The following NLRP8 variants were observed in gnomAD, a reference collection of about 807,000 sequenced individuals.
The protein encoded by NLRP8 is NACHT, LRR and PYD domains-containing protein 8.
Under a neutral mutation model 88.7 loss-of-function variants are expected in NLRP8, and 86 were observed. That is an observed-to-expected ratio of 0.97 (90% CI 0.81 to 1.16). The LOEUF is 1.16. Ranked by LOEUF, NLRP8 falls within the 50% of genes most tolerant of loss-of-function variation. The pLI, the probability that NLRP8 is intolerant of heterozygous loss-of-function variation, is 0.00. For synonymous variants in NLRP8, 504 were observed against 494.6 expected, an observed-to-expected ratio of 1.02 and a Z score of -0.25; for missense variants, 1,342 against 1,286.5, an observed-to-expected ratio of 1.04 and a Z score of -0.66.
intron 3 of NLRP8, among the ~76,000 whole-genome samples, chr19:55,960,262 C>T (rs1014570860): frequency 1.3e-5 from 2 of 152,094 alleles, no homozygotes; most frequent in African/African-American, 4.8e-5. Context: ...CAGCTGCTAG[C>T]GAGACCTGGC....
chr19:55,971,006 G>A (rs1043054548), intron 6 of NLRP8, among the ~76,000 whole-genome samples: 3 of 152,066 alleles, frequency 2.0e-5, no homozygotes, highest in East Asian at 1.9e-4. Context: ...GTCCTCACTG[G>A]TTTTATTGAC....
rs368088277 is a variant in NLRP8, at chr19:55,970,661, G to A, written c.2499G>A (p.Ala833=). Reference sequence around the variant, plus strand: ...AAAACTCCCTGGAGAACTGTGGGGCGTATTACCTGTCTGTGGCCCAGCTGG... The same window carrying A: ...AAAACTCCCTGGAGAACTGTGGGGCATATTACCTGTCTGTGGCCCAGCTGG... Residue 833 remains alanine, a synonymous_variant, in exon 6 of 10, where the codon GCG becomes GCA. Coordinates refer to ENST00000291971, the MANE Select transcript of NLRP8 (RefSeq NM_176811.2). 344 of 1,614,068 alleles carry A rather than the reference G, an allele frequency of 2.1e-4. 1 individual carries two copies. Among genetic ancestry groups the A allele is most frequent in the Non-Finnish European group, 2.6e-4 (301 of 1,180,004 alleles).
intron 9 of NLRP8, among the ~76,000 whole-genome samples, chr19:55,982,058 C>T (rs1041752735): frequency 6.6e-6 from 1 of 152,114 alleles, no homozygotes; most frequent in Admixed American, 6.6e-5. Flanking sequence ...TGCACCACCA[C>T]TCCCAGCTAA....
At position 55,955,813 on chromosome 19, in the gene NLRP8, G is replaced by C; in HGVS notation, c.1755G>C (p.Arg585Ser). The stretch of plus-strand genomic sequence containing the variant: ...GCAAGGTGTCTTTCGGTAATAAGAG[G>C]AAACTGCTGAAAGTCATACCTCTGT... The change falls in exon 3 of 10, where the codon AGG (arginine) becomes AGC (serine). Residue 585 changes from arginine to serine, a missense_variant. Physicochemically the swap from Arg to Ser is moderately radical, Grantham distance 110. Transcript: ENST00000291971. 1.2e-6 allele frequency: 2 copies of C among 1,614,170 alleles called. No individual in the cohort carries two copies. The highest frequency in any genetic ancestry group is 1.7e-6 in the Non-Finnish European group (2 of 1,180,018).
At chr19:55,957,673 T>TTATATATATATATA (rs10523999) in intron 3 of NLRP8, among the ~76,000 whole-genome samples, 1 of 31,214 alleles carries the variant, frequency 3.2e-5, no homozygotes, top group Non-Finnish European at 4.9e-5. Context: ...AAAATAATAA[T>TTATATATATATATA]TATATATATA....
At chr19:55,980,307 A>G (rs10402377) in intron 9 of NLRP8, among the ~76,000 whole-genome samples, 49 of 152,188 alleles carry the variant, frequency 3.2e-4, no homozygotes, top group African/African-American at 1.0e-3. Flanking sequence ...AGTGCCTAAC[A>G]CATGTTCTCA....
At chr19:55,973,193 G>C (rs950684200) in intron 6 of NLRP8, among the ~76,000 whole-genome samples, 1 of 152,178 alleles carries the variant, frequency 6.6e-6, no homozygotes, top group Non-Finnish European at 1.5e-5. Context: ...GCAGTTCCCT[G>C]ATACTTAGTC....
At chr19:55,985,209 A>G (rs1424253402) in intron 9 of NLRP8, among the ~76,000 whole-genome samples, 3 of 152,164 alleles carry the variant, frequency 2.0e-5, no homozygotes, top group Non-Finnish European at 4.4e-5. Flanking sequence ...AGGTTGAGGC[A>G]GGAGAATCGC....
At chr19:55,950,824 A>G (rs1193592644) in intron 1 of NLRP8, among the ~76,000 whole-genome samples, 1 of 152,226 alleles carries the variant, frequency 6.6e-6, no homozygotes, top group East Asian at 1.9e-4. Flanking sequence ...TCACGCCTAT[A>G]ATCCCAGCAC....
chr19:55,986,887 C>T (rs568924393), intron 9 of NLRP8, among the ~76,000 whole-genome samples: 1 of 152,250 alleles, frequency 6.6e-6, no homozygotes, highest in South Asian at 2.1e-4. Flanking sequence ...GATTAGAACC[C>T]GCGTATTGAG....
intron 5 of NLRP8, among the ~76,000 whole-genome samples, chr19:55,968,612 CA>C (rs1979944823): frequency 6.6e-6 from 1 of 151,818 alleles, no homozygotes; most frequent in Non-Finnish European, 1.5e-5. Context: ...TGGTGGCTCA[CA>C]CCTGTAATTC....
In NLRP8 at chr19:55,972,815, G is replaced by A. The variant is rs896358111; in HGVS notation, c.2535-837G>A. Among the ~76,000 whole-genome samples the A allele has an allele frequency of 5.7e-3, 630 of 109,658 alleles. 4 individuals are homozygous for A. Among genetic ancestry groups the A allele is most frequent in the African/African-American group, 0.02 (527 of 26,748 alleles). The allele number at this position is 109,658 out of a possible 152,430, so 71.9% of individuals were successfully genotyped here. On this transcript the variant is annotated intron_variant, in intron 6 of 9. Transcript: ENST00000291971. ...GGTGTGTGTGTGTGTGTGTATGTGT[G>A]TGTGTGTGTGTGTGTGTGTGTGTGA...
At position 55,955,799 on chromosome 19, in the gene NLRP8, T is replaced by C; in HGVS notation, c.1741T>C (p.Phe581Leu). The C allele has an allele frequency of 6.2e-7, 1 of 1,614,108 alleles. No individual in the cohort carries two copies. The highest frequency in any genetic ancestry group is 8.5e-7 in the Non-Finnish European group (1 of 1,180,016). ...ACAGTCATTCCAATGCAAGGTGTCT[T>C]TCGGTAATAAGAGGAAACTGCTGAA... Residue 581 changes from phenylalanine (F) to leucine (L), a missense_variant, in exon 3 of 10, where the codon TTC (phenylalanine) becomes CTC (leucine). Coordinates refer to ENST00000291971, the MANE Select transcript of NLRP8 (RefSeq NM_176811.2).
intron 9 of NLRP8, among the ~76,000 whole-genome samples, chr19:55,986,284 ACT>A (rs1980801615): frequency 1.3e-5 from 2 of 150,476 alleles, no homozygotes; most frequent in African/African-American, 2.5e-5. Context: ...ACACACTCAC[ACT>A]CACACACACA....
intron 5 of NLRP8, among the ~76,000 whole-genome samples, chr19:55,969,632 T>G (rs544983236): frequency 1.3e-5 from 2 of 152,134 alleles, no homozygotes; most frequent in African/African-American, 4.8e-5. Flanking sequence ...AGTAGTGGGA[T>G]TGCTGGATCG....
chr19:55,983,937 A>C lies in NLRP8; in HGVS notation c.3048-3877A>C, dbSNP rs140472053. On this transcript the variant is annotated intron_variant, in intron 9 of 9. Coordinates refer to ENST00000291971, the MANE Select transcript of NLRP8 (RefSeq NM_176811.2). ...TTTAATTTGAGGAAGGGCTTCTAAA[A>C]AATTACTGCTAACATGCTTATTGTT... Among the ~76,000 whole-genome samples, 214 of 152,276 alleles carry C rather than the reference A, an allele frequency of 1.4e-3. 1 individual carries two copies. The highest frequency in any genetic ancestry group is 5.0e-3 in the African/African-American group (206 of 41,570).
At chr19:55,954,407 C>A in intron 2 of NLRP8, 94 bp from the exon 3 acceptor site, 2 of 1,260,304 alleles carry the variant, frequency 1.6e-6, no homozygotes, top group Non-Finnish European at 2.2e-6. Flanking sequence ...CGGGGCTTCA[C>A]GTAGACATCG....
At chr19:55,986,694 C>T (rs1404120060) in intron 9 of NLRP8, among the ~76,000 whole-genome samples, 2 of 152,216 alleles carry the variant, frequency 1.3e-5, no homozygotes, top group Non-Finnish European at 2.9e-5. Context: ...GCAGCAGCAA[C>T]ATCACTGGCT....
intron 1 of NLRP8, among the ~76,000 whole-genome samples, chr19:55,948,504 C>T (rs576649459): frequency 1.1e-4 from 16 of 152,304 alleles, no homozygotes; most frequent in African/African-American, 3.9e-4. Flanking sequence ...GGCACAATCT[C>T]GGCTCACTGC....
Sources: gnomAD v4.1 joint callset for allele counts (sites outside exome capture counted in the v4.1 genomes callset) on GRCh38, gnomAD v4.1.1 for gene constraint, MANE v1.5 for transcripts, NCBI Gene and HGNC (gene_info 2026-07-23, HGNC 2026-07-21) for gene names.